Variants in ADAMTS2 observed in about 807,000 individuals in gnomAD.
ADAMTS2 encodes A disintegrin and metalloproteinase with thrombospondin motifs 2.
ADAMTS2 carries 50 observed loss-of-function variants against 123.0 expected under a neutral mutation model. That is an observed-to-expected ratio of 0.41 (90% CI 0.32 to 0.51). The LOEUF is 0.51. Among genes scored for constraint, ADAMTS2 ranks in the 20% least tolerant of loss-of-function variants. ADAMTS2 has a pLI of 0.35. For missense variants in ADAMTS2, 1,494 were observed against 1,705.2 expected (o/e 0.88, Z 2.18); for synonymous variants, 678 against 695.4 (o/e 0.98, Z 0.39).
intron 3 of ADAMTS2, among the ~76,000 whole-genome samples, chr5:179,261,374 T>C (rs910134026): frequency 6.6e-6 from 1 of 152,218 alleles, no homozygotes; most frequent in African/African-American, 2.4e-5. Context: ...CAGGAGCTGC[T>C]GTGGGAGCCA....
intron 2 of ADAMTS2, among the ~76,000 whole-genome samples, chr5:179,310,634 G>A (rs1268787580): frequency 6.6e-6 from 1 of 152,168 alleles, no homozygotes; most frequent in African/African-American, 2.4e-5. Context: ...GCCCCCGGGA[G>A]CTTGTTAGAG....
Position 179,189,753 on chromosome 5 carries a change from A to G in ADAMTS2, c.892-8598T>C, listed in dbSNP as rs1379584688. Among the ~76,000 whole-genome samples, 1 of 150,296 alleles carries G rather than the reference A, an allele frequency of 6.7e-6. No homozygotes were observed. Among genetic ancestry groups the G allele is most frequent in the African/African-American group, 2.5e-5 (1 of 40,670 alleles). ...ATATCTTCTTAAGGTAGGGGGGGAC[A>G]ATATTACAAAGTATCTTCTTAAGGA... On this transcript the variant is annotated intron_variant, in intron 4 of 21. Transcript: ENST00000251582. This position sits in a 1 kb window ranked among gnomAD's most constrained non-coding sequence, Gnocchi z 4.2.
intron 15 of ADAMTS2, among the ~76,000 whole-genome samples, chr5:179,131,359 A>AGT (rs1188488135): frequency 6.6e-6 from 1 of 151,218 alleles, no homozygotes; most frequent in Non-Finnish European, 1.5e-5. Flanking sequence ...GTATCAAGAG[A>AGT]GTGAGATCCT....
chr5:179,211,384 C>T (rs968290945), intron 3 of ADAMTS2, among the ~76,000 whole-genome samples: 1 of 152,196 alleles, frequency 6.6e-6, no homozygotes, highest in Non-Finnish European at 1.5e-5. Flanking sequence ...TGCTGATTGA[C>T]CAAGCCCCAG....
At chr5:179,133,035 A>T in intron 13 of ADAMTS2, 135 bp from the exon 14 acceptor site, 3 of 1,213,680 alleles carry the variant, frequency 2.5e-6, no homozygotes. Flanking sequence ...TTGGGATTAC[A>T]GGCGTGAACC....
At chr5:179,320,760 A>G (rs1477547191) in intron 2 of ADAMTS2, among the ~76,000 whole-genome samples, 1 of 152,214 alleles carries the variant, frequency 6.6e-6, no homozygotes, top group African/African-American at 2.4e-5. Context: ...AACATAGCTC[A>G]GGGATGAGGA....
chr5:179,250,895 CCCG>C (rs1269509629), intron 3 of ADAMTS2, among the ~76,000 whole-genome samples: 14 of 152,262 alleles, frequency 9.2e-5, no homozygotes, highest in Non-Finnish European at 1.9e-4. Context: ...ACGCATCCTG[CCCG>C]CACATTGCTT....
At chr5:179,214,556 T>C (rs1446058378) in intron 3 of ADAMTS2, among the ~76,000 whole-genome samples, 1 of 151,904 alleles carries the variant, frequency 6.6e-6, no homozygotes, top group Non-Finnish European at 1.5e-5. Flanking sequence ...TCAAGACTTC[T>C]TGAACATAGG....
intron 3 of ADAMTS2, among the ~76,000 whole-genome samples, chr5:179,267,546 G>A (rs956829096): frequency 2.6e-5 from 4 of 152,230 alleles, no homozygotes; most frequent in African/African-American, 9.6e-5. Flanking sequence ...AGTTCCCCAG[G>A]ATGGGAAGCA....
At chr5:179,154,222 C>T (rs1478038331) in intron 7 of ADAMTS2, 30 bp from the exon 8 acceptor site, 1 of 1,539,852 alleles carries the variant, frequency 6.5e-7, no homozygotes, top group Non-Finnish European at 8.7e-7. Context: ...TGGCTGAATC[C>T]CACTGGCACA....
At chr5:179,203,221 G>A (rs1449162393) in intron 4 of ADAMTS2, among the ~76,000 whole-genome samples, 3 of 152,208 alleles carry the variant, frequency 2.0e-5, no homozygotes, top group African/African-American at 7.2e-5. Context: ...TCCTCCCAGG[G>A]CTCGACGGCC....
At chr5:179,223,958 T>C (rs1030785645) in intron 3 of ADAMTS2, among the ~76,000 whole-genome samples, 1 of 152,194 alleles carries the variant, frequency 6.6e-6, no homozygotes, top group African/African-American at 2.4e-5. Flanking sequence ...GCAAAATGAA[T>C]AAATAAACGG....
chr5:179,172,944 C>A (rs943155395), intron 5 of ADAMTS2, among the ~76,000 whole-genome samples: 1 of 151,954 alleles, frequency 6.6e-6, no homozygotes, highest in African/African-American at 2.4e-5. Flanking sequence ...GCTGCTCACA[C>A]CTGTAATCCC....
chr5:179,172,908 A>G (rs553032904), intron 5 of ADAMTS2, among the ~76,000 whole-genome samples: 22 of 152,182 alleles, frequency 1.4e-4, no homozygotes, highest in African/African-American at 5.3e-4. Flanking sequence ...TTTTGTTTAT[A>G]AAAGAAACAT....
intron 2 of ADAMTS2, among the ~76,000 whole-genome samples, chr5:179,316,423 G>A (rs944911517): frequency 8.5e-5 from 13 of 152,178 alleles, no homozygotes; most frequent in Admixed American, 6.5e-5. Context: ...CTGGGGAGTC[G>A]GCCACAGCTC....
At chr5:179,319,028 G>A (rs765163641) in intron 2 of ADAMTS2, among the ~76,000 whole-genome samples, 1 of 152,194 alleles carries the variant, frequency 6.6e-6, no homozygotes, top group African/African-American at 2.4e-5. Context: ...TTATGACTGA[G>A]GGTTCCCAAC....
intron 4 of ADAMTS2, 80 bp downstream of exon 4, chr5:179,207,433 C>T (rs946884888): frequency 6.1e-6 from 9 of 1,479,032 alleles, no homozygotes; most frequent in Admixed American, 1.7e-5. Flanking sequence ...GGGGACCTGG[C>T]CCAGCTGGGC....
intron 3 of ADAMTS2, among the ~76,000 whole-genome samples, chr5:179,265,710 C>T (rs1009686504): frequency 4.6e-5 from 7 of 152,344 alleles, no homozygotes; most frequent in African/African-American, 1.4e-4. Flanking sequence ...CCACCCCTTC[C>T]GCGTGGGCCA....
rs768707625 is a variant in ADAMTS2 at position 179,129,064 on chromosome 5, C to T, written c.2457+868G>A. Reference sequence around the variant, plus strand: ...GCGACTCACACTTCACCACTCTGTGCGTGTCCGTTTGGGGCTCACGAATCA... The same window carrying T: ...GCGACTCACACTTCACCACTCTGTGTGTGTCCGTTTGGGGCTCACGAATCA... On this transcript the variant is annotated intron_variant, in intron 16 of 21. Coordinates refer to ENST00000251582, the MANE Select transcript of ADAMTS2 (RefSeq NM_014244.5). This position sits in a 1 kb window ranked among gnomAD's most constrained non-coding sequence, Gnocchi z 4.1. Among the ~76,000 whole-genome samples, 1 of 152,198 alleles carries T rather than the reference C, an allele frequency of 6.6e-6. No individual in the cohort carries two copies. Among genetic ancestry groups the T allele is most frequent in the African/African-American group, 2.4e-5 (1 of 41,452 alleles).
Sources: gnomAD v4.1 joint callset for allele counts (sites outside exome capture counted in the v4.1 genomes callset) on GRCh38, gnomAD v4.1.1 for gene constraint, Gnocchi (gnomAD v3.1) non-coding constraint, MANE v1.5 for transcripts, NCBI Gene and HGNC (gene_info 2026-07-23, HGNC 2026-07-21) for gene names.